Variants in RPL36A observed in about 807,000 individuals in gnomAD.
The protein encoded by RPL36A is large ribosomal subunit protein eL42.
For synonymous variants in RPL36A, 25 were observed against 28.5 expected, an observed-to-expected ratio of 0.88 and a Z score of 0.39; for missense variants, 20 against 81.0, an observed-to-expected ratio of 0.25 and a Z score of 2.89.
chrX:101,392,157 C>T lies in RPL36A; in HGVS notation c.177+335C>T. On this transcript the variant is annotated intron_variant, in intron 3 of 4. Coordinates refer to ENST00000553110, the MANE Select transcript of RPL36A (RefSeq NM_021029.6). ...CCTTATCTGTCAATATGTCTGAATC[C>T]TCGCTTGTTGGTTGCACTAAGAATT... 6.8e-6 allele frequency: 7 copies of T among 1,036,867 alleles called. No individual in the cohort carries two copies. The South Asian group carries it at 1.0e-4, about 15-fold the overall frequency. The allele number at this position is 1,036,867 out of a possible 1,213,427, so 85.4% of individuals were successfully genotyped here.
At chrX:101,392,385 C>T in intron 3 of RPL36A, 2 of 825,096 alleles carry the variant, frequency 2.4e-6, no homozygotes, top group Non-Finnish European at 2.9e-6. Context: ...TGGAACGGAG[C>T]ATTCTCTCCA....
chrX:101,392,369 G>A (rs1007831666), intron 3 of RPL36A: 73 of 840,858 alleles, frequency 8.7e-5, no homozygotes, highest in Non-Finnish European at 9.4e-5. Context: ...TAATTAGCAC[G>A]ATGATTGGAA....
intron 3 of RPL36A, among the ~76,000 whole-genome samples, chrX:101,394,746 TTA>T (rs1165428890): frequency 4.0e-5 from 4 of 101,024 alleles, no homozygotes; most frequent in Non-Finnish European, 7.9e-5. Flanking sequence ...ATATATATTT[TTA>T]TGTTTTTTAT....
chrX:101,391,042 G>C lies in RPL36A; in HGVS notation c.-2G>C. ...TTCCGCGCCGATAGCGCTCACGCAA[G>C]CATGGTAGGACTTGCTGGTGGGGGC... On this transcript the variant is annotated 5_prime_UTR_variant, in exon 1 of 5. Transcript: ENST00000553110. The C allele has an allele frequency of 8.3e-7, 1 of 1,211,866 alleles. No individual in the cohort carries two copies. The highest frequency in any genetic ancestry group is 1.1e-6 in the Non-Finnish European group (1 of 895,169).
At chrX:101,395,527 C>A in intron 4 of RPL36A, 70 bp downstream of exon 4, 1 of 1,165,053 alleles carries the variant, frequency 8.6e-7, no homozygotes, top group South Asian at 2.0e-5. Context: ...AACATCTATT[C>A]ATTGTGGCAT....
chrX:101,395,991 A>G lies in RPL36A; in HGVS notation c.*243A>G, dbSNP rs1555984265. ...TAGGGGCCTTATGAGGCAGTTTGTC[A>G]TTATGCAATGGTTATTGGTTATCAT... On this transcript the variant is annotated 3_prime_UTR_variant, in exon 5 of 5. Transcript: ENST00000553110. 1 of 387,313 alleles carries G rather than the reference A, an allele frequency of 2.6e-6. No individual in the cohort carries two copies. The highest frequency in any genetic ancestry group is 2.5e-5 in the African/African-American group (1 of 39,416). 31.9% of individuals were successfully genotyped at this position (387,313 alleles called of 1,213,427 possible). A position where few individuals can be genotyped will look rare whatever the true frequency, so the allele number is the denominator to read the frequency against.
At chrX:101,391,603 T>A (rs1555983430) in intron 2 of RPL36A, 39 bp downstream of exon 2, 2 of 1,204,580 alleles carry the variant, frequency 1.7e-6, no homozygotes, top group East Asian at 5.9e-5. Context: ...TAATGTGACA[T>A]TTGTGTTGTA....
In RPL36A at chrX:101,395,728, G is replaced by A; in HGVS notation, c.301G>A (p.Gly101Ser). The change falls in exon 5 of 5, where the codon GGC becomes AGC. Residue 101 changes from glycine (G) to serine (S), a missense_variant and splice_region_variant. Transcript: ENST00000553110. ...ACAACTTTTTTCTGTTCTGTTACAG[G>A]GCCAAGTGATCCAGTTCTAAGTGTC... ...FELGGDKKRK[G>S]QVIQF 8.3e-7 allele frequency: 1 copy of A among 1,209,244 alleles called. No homozygotes were observed. Among genetic ancestry groups the A allele is most frequent in the Admixed American group, 2.2e-5 (1 of 45,850 alleles).
rs781938556 is a variant in RPL36A at position 101,392,003 on chromosome X, C to A, written c.177+181C>A. 4.3e-6 allele frequency: 5 copies of A among 1,165,538 alleles called. No individual in the cohort carries two copies. In the African/African-American group the frequency reaches 7.2e-5, roughly 17 times the overall value. ...ACTCATGTCTGACTAGTCCACAATA[C>A]TGCACTATTTCAGTGTTTACGATTT... On this transcript the variant is annotated intron_variant, in intron 3 of 4. Transcript: ENST00000553110.
In RPL36A at chrX:101,391,583, A is replaced by ATT. The variant is rs782260191; in HGVS notation, c.109+19_109+20insTT. The ATT allele has an allele frequency of 8.3e-7, 1 of 1,209,034 alleles. No homozygotes were observed. Among genetic ancestry groups the ATT allele is most frequent in the East Asian group, 3.0e-5 (1 of 33,827 alleles). ...GCCCAGGGTAAGATGGATTCCGCAT[A>ATT]ATTTGGTGTTAATGTGACATTTGTG... On this transcript the variant is annotated intron_variant, in intron 2 of 4. Coordinates refer to ENST00000553110, the MANE Select transcript of RPL36A (RefSeq NM_021029.6).
intron 3 of RPL36A, 129 bp from the exon 4 acceptor site, chrX:101,395,206 T>C: frequency 1.4e-6 from 1 of 695,698 alleles, no homozygotes; most frequent in Non-Finnish European, 2.0e-6. Context: ...AAGCAAAGCA[T>C]TGCAAAAGAA....
In RPL36A at chrX:101,391,341, C is replaced by T; in HGVS notation, c.4-118C>T. 8 of 901,979 alleles carry T rather than the reference C, an allele frequency of 8.9e-6. No individual in the cohort carries two copies. The Admixed American group carries it at 1.9e-4, about 21-fold the overall frequency. 74.3% of individuals were successfully genotyped at this position (901,979 alleles called of 1,213,427 possible). On this transcript the variant is annotated intron_variant, in intron 1 of 4. Coordinates refer to ENST00000553110, the MANE Select transcript of RPL36A (RefSeq NM_021029.6). ...ACATGGGGCTGGCCCACCCTGTAGT[C>T]AGAGGTAGCAAGTAATGAGGAGTCC...
chrX:101,392,003 C>G (rs781938556), intron 3 of RPL36A, 181 bp downstream of exon 3: 26 of 1,165,539 alleles, frequency 2.2e-5, no homozygotes, highest in Non-Finnish European at 2.8e-5. Context: ...GTCCACAATA[C>G]TGCACTATTT....
chrX:101,394,460 A>G (rs781807274), intron 3 of RPL36A, among the ~76,000 whole-genome samples: 34 of 108,643 alleles, frequency 3.1e-4, no homozygotes, highest in African/African-American at 1.1e-3. Flanking sequence ...TTTTATAGAG[A>G]TGGGGTTCTC....
chrX:101,393,172 C>G (rs1478820650), intron 3 of RPL36A: 1 of 106,121 alleles, frequency 9.4e-6, no homozygotes, highest in Non-Finnish European at 1.9e-5. Flanking sequence ...TGGTACTATT[C>G]AGCCATAAAA....
In RPL36A at chrX:101,392,154, A is replaced by G. The variant is rs190593323; in HGVS notation, c.177+332A>G. 467 of 1,041,840 alleles carry G rather than the reference A, an allele frequency of 4.5e-4. 3 individuals carry two copies. The African/African-American group carries it at 7.2e-3, about 16-fold the overall frequency. The allele number at this position is 1,041,840 out of a possible 1,213,427, so 85.9% of individuals were successfully genotyped here. A position where few individuals can be genotyped will look rare whatever the true frequency, so the allele number is the denominator to read the frequency against. On this transcript the variant is annotated intron_variant, in intron 3 of 4. Coordinates refer to ENST00000553110, the MANE Select transcript of RPL36A (RefSeq NM_021029.6). ...GTTCCTTATCTGTCAATATGTCTGA[A>G]TCCTCGCTTGTTGGTTGCACTAAGA...
chrX:101,393,358 T>C (rs1003413854), intron 3 of RPL36A: 15 of 111,252 alleles, frequency 1.3e-4, no homozygotes, highest in African/African-American at 4.9e-4. Flanking sequence ...TGAGAACTTC[T>C]GGTGGCGGGA....
At position 101,395,323 on chromosome X, in the gene RPL36A, A is replaced by AT. The variant is rs781851338; in HGVS notation, c.178-4dup. 1.3e-5 allele frequency: 15 copies of AT among 1,173,903 alleles called. No homozygotes were observed. The highest frequency in any genetic ancestry group is 2.7e-5 in the Admixed American group (1 of 37,366). On this transcript the variant is annotated splice_polypyrimidine_tract_variant and intron_variant, in intron 3 of 4. Coordinates refer to ENST00000553110, the MANE Select transcript of RPL36A (RefSeq NM_021029.6). ...AGTTATTTATTAAGGCTTTAATTTA[A>AT]TTTTTTTTCAGGCTAAAACTACAAA...
chrX:101,392,686 A>G (rs1927856151), intron 3 of RPL36A: 2 of 696,277 alleles, frequency 2.9e-6, no homozygotes, highest in African/African-American at 4.8e-5. Flanking sequence ...TGATCCAACA[A>G]TCCCACTGCT....
Sources: allele counts gnomAD v4.1 joint callset (sites outside exome capture counted in the v4.1 genomes callset), GRCh38; gene constraint gnomAD v4.1.1; transcripts MANE v1.5; gene names NCBI Gene and HGNC (gene_info 2026-07-23, HGNC 2026-07-21).